The following RANBP17 variants were observed in gnomAD, a reference collection of about 807,000 sequenced individuals.
RANBP17 encodes the protein RAN binding protein 17, also known as ran-binding protein 17.
Under a neutral mutation model 141.2 loss-of-function variants are expected in RANBP17, and 158 were observed. That is an observed-to-expected ratio of 1.12 (90% CI 0.98 to 1.28). RANBP17 has a LOEUF of 1.28. Among genes scored for constraint, RANBP17 ranks in the 50% most tolerant of loss-of-function variants. RANBP17 has a pLI of 0.00. For missense variants in RANBP17, 1,438 were observed against 1,290.7 expected, an observed-to-expected ratio of 1.11 and a Z score of -1.75; for synonymous variants, 430 against 450.0, an observed-to-expected ratio of 0.96 and a Z score of 0.56.
intron 25 of RANBP17, among the ~76,000 whole-genome samples, chr5:171,285,572 A>G (rs1768123736): frequency 1.3e-5 from 2 of 152,220 alleles, no homozygotes; most frequent in South Asian, 2.1e-4. Flanking sequence ...AGTTTCCCAA[A>G]TAGTGCTGAG....
chr5:171,190,073 G>A (rs1761527464), intron 18 of RANBP17, among the ~76,000 whole-genome samples: 1 of 152,002 alleles, frequency 6.6e-6, no homozygotes, highest in Non-Finnish European at 1.5e-5. Flanking sequence ...TCTTGCAAAA[G>A]TGTTGGATGT....
chr5:170,953,431 C>G (rs1228795256), intron 12 of RANBP17, among the ~76,000 whole-genome samples, 166 bp from the exon 13 acceptor site: 2 of 152,064 alleles, frequency 1.3e-5, no homozygotes, highest in Non-Finnish European at 2.9e-5. Context: ...GTTCTACTGC[C>G]TTGATAAACT....
intron 13 of RANBP17, among the ~76,000 whole-genome samples, chr5:170,959,385 G>A (rs1047208981): frequency 1.3e-5 from 2 of 152,154 alleles, no homozygotes; most frequent in Admixed American, 1.3e-4. Context: ...AGTATCCTGT[G>A]CTACTTCTGA....
chr5:171,113,693 C>T (rs1372782636), intron 14 of RANBP17, among the ~76,000 whole-genome samples: 3 of 152,136 alleles, frequency 2.0e-5, no homozygotes, highest in Non-Finnish European at 4.4e-5. Context: ...GACCTAGGCA[C>T]TTTGAGTCTA....
chr5:171,092,465 TATACTA>T (rs1786367753), intron 14 of RANBP17, among the ~76,000 whole-genome samples: 2 of 152,314 alleles, frequency 1.3e-5, no homozygotes, highest in Non-Finnish European at 2.9e-5. Flanking sequence ...GTCAGCATAA[TATACTA>T]AGACAAAGAG....
At chr5:171,162,610 A>G (rs776832149) in intron 14 of RANBP17, among the ~76,000 whole-genome samples, 25 of 152,192 alleles carry the variant, frequency 1.6e-4, no homozygotes, top group Non-Finnish European at 2.9e-4. Context: ...ATTATTGTTT[A>G]GAAACTGACT....
At chr5:170,985,624 A>G (rs745885981) in intron 14 of RANBP17, among the ~76,000 whole-genome samples, 13 of 152,198 alleles carry the variant, frequency 8.5e-5, no homozygotes, top group Non-Finnish European at 1.5e-4. Flanking sequence ...GGTATACAGG[A>G]AAACACACAC....
chr5:170,927,161 T>C (rs1167248039), intron 12 of RANBP17, among the ~76,000 whole-genome samples: 1 of 152,134 alleles, frequency 6.6e-6, no homozygotes, highest in Non-Finnish European at 1.5e-5. Context: ...GGTTAATGTA[T>C]TTGTAATTCT....
chr5:171,119,524 TA>T (rs1755871515), intron 14 of RANBP17, among the ~76,000 whole-genome samples: 4 of 152,236 alleles, frequency 2.6e-5, no homozygotes, highest in Admixed American at 1.3e-4. Flanking sequence ...ACTTCAGTAC[TA>T]TTTTGAATAA....
At chr5:171,280,273 G>T (rs1470568013) in intron 25 of RANBP17, among the ~76,000 whole-genome samples, 1 of 151,804 alleles carries the variant, frequency 6.6e-6, no homozygotes, top group Non-Finnish European at 1.5e-5. Flanking sequence ...GCTTTTTGGG[G>T]GTTTTGTTTT....
chr5:171,174,962 C>G (rs936759174), intron 16 of RANBP17, among the ~76,000 whole-genome samples: 1 of 151,988 alleles, frequency 6.6e-6, no homozygotes, highest in African/African-American at 2.4e-5. Flanking sequence ...CCCTTCACCC[C>G]CCTACAGGCC....
At chr5:171,056,017 C>T (rs1371701309) in intron 14 of RANBP17, among the ~76,000 whole-genome samples, 1 of 151,832 alleles carries the variant, frequency 6.6e-6, no homozygotes, top group African/African-American at 2.4e-5. Flanking sequence ...AAATATGTTC[C>T]AAATTTTGTT....
chr5:171,063,586 C>T (rs1420899678), intron 14 of RANBP17, among the ~76,000 whole-genome samples: 1 of 152,212 alleles, frequency 6.6e-6, no homozygotes, highest in Non-Finnish European at 1.5e-5. Flanking sequence ...GGGTGCCTCC[C>T]AGTTAGGCTG....
intron 14 of RANBP17, among the ~76,000 whole-genome samples, chr5:171,127,486 A>G (rs906924715): frequency 3.9e-5 from 6 of 152,212 alleles, no homozygotes; most frequent in African/African-American, 1.4e-4. Context: ...ACTTATATCC[A>G]GAATATGCAA....
chr5:171,233,136 G>T (rs1380855459), intron 22 of RANBP17, among the ~76,000 whole-genome samples: 1 of 152,124 alleles, frequency 6.6e-6, no homozygotes, highest in African/African-American at 2.4e-5. Context: ...CCAGGAGTTT[G>T]AGACTAACCT....
chr5:171,067,795 TACTC>T (rs1408893880), intron 14 of RANBP17, among the ~76,000 whole-genome samples: 11 of 152,194 alleles, frequency 7.2e-5, no homozygotes, highest in Non-Finnish European at 1.5e-4. Context: ...ACTCAATTCT[TACTC>T]ACTACTTTGA....
At position 171,242,710 on chromosome 5, in the gene RANBP17, A is replaced by T. The variant is rs748636494; in HGVS notation, c.2666A>T (p.Tyr889Phe). Residue 889 changes from tyrosine (Y) to phenylalanine (F), a missense_variant, in exon 24 of 28, where the codon TAT becomes TTT. Physicochemically the swap from Tyr to Phe is conservative, Grantham distance 22. Coordinates refer to ENST00000523189, the MANE Select transcript of RANBP17 (RefSeq NM_022897.5). Reference sequence around the variant, plus strand: ...TACCGGAAACTGAGCCAGTCTTATTATCCACTCCTGGAATGTCTCACTCAG... The same window carrying T: ...TACCGGAAACTGAGCCAGTCTTATTTTCCACTCCTGGAATGTCTCACTCAG... Reference protein sequence around the residue: ...LQYRKLSQSYYPLLECLTQDH... With the variant: ...LQYRKLSQSYFPLLECLTQDH... The T allele has an allele frequency of 1.2e-6, 2 of 1,613,692 alleles. No individual in the cohort carries two copies. The highest frequency in any genetic ancestry group is 1.3e-5 in the African/African-American group (1 of 74,906).
chr5:170,992,774 G>A (rs545957911), intron 14 of RANBP17, among the ~76,000 whole-genome samples: 1 of 152,006 alleles, frequency 6.6e-6, no homozygotes, highest in South Asian at 2.1e-4. Flanking sequence ...ATATCAAAGG[G>A]GATGGGGTTT....
At chr5:171,153,507 A>G (rs1431648840) in intron 14 of RANBP17, among the ~76,000 whole-genome samples, 3 of 152,234 alleles carry the variant, frequency 2.0e-5, no homozygotes, top group Non-Finnish European at 4.4e-5. Flanking sequence ...GTTAATAGGT[A>G]ATCATTGTTC....
Sources: gnomAD v4.1 joint callset for allele counts (sites outside exome capture counted in the v4.1 genomes callset) on GRCh38, gnomAD v4.1.1 for gene constraint, MANE v1.5 for transcripts, NCBI Gene and HGNC (gene_info 2026-07-23, HGNC 2026-07-21) for gene names.